The following MED27 variants were observed in gnomAD, a reference collection of about 807,000 sequenced individuals.
MED27 encodes the protein mediator of RNA polymerase II transcription subunit 27.
MED27 carries 30 observed loss-of-function variants against 38.2 expected under a neutral mutation model. That is an observed-to-expected ratio of 0.79 (90% CI 0.59 to 1.07). The LOEUF (loss-of-function observed/expected upper bound fraction) is 1.07, where lower values mean the gene tolerates loss of function less well. Ranked by LOEUF, MED27 falls within the 50% of genes least tolerant of loss-of-function variation. MED27 has a pLI of 0.00. For missense variants in MED27, 289 were observed against 397.5 expected, an observed-to-expected ratio of 0.73 and a Z score of 2.32; for synonymous variants, 122 against 153.5, an observed-to-expected ratio of 0.79 and a Z score of 1.52.
At chr9:131,878,164 C>T (rs1201573177) in intron 6 of MED27, among the ~76,000 whole-genome samples, 1 of 151,722 alleles carries the variant, frequency 6.6e-6, no homozygotes, top group Non-Finnish European at 1.5e-5. Flanking sequence ...ATCCCAACTA[C>T]TTAGGGGCTG....
chr9:132,068,456 T>C (rs1282518780), intron 2 of MED27, among the ~76,000 whole-genome samples: 3 of 151,326 alleles, frequency 2.0e-5, no homozygotes, highest in African/African-American at 4.9e-5. Flanking sequence ...GAGTGGAAAA[T>C]AGATTAGAAA....
intron 2 of MED27, among the ~76,000 whole-genome samples, chr9:132,058,762 A>T (rs1391489670): frequency 1.3e-5 from 2 of 152,256 alleles, no homozygotes; most frequent in African/African-American, 4.8e-5. Flanking sequence ...CTACAACTTC[A>T]GTGAAACTGT....
At position 131,912,875 on chromosome 9, in the gene MED27, G is replaced by A. The variant is rs567156994; in HGVS notation, c.574-18883C>T. 4.6e-5 allele frequency among the ~76,000 whole-genome samples: 7 copies of A among 152,196 alleles called. No individual in the cohort carries two copies. The Middle Eastern group carries it at 0.017, about 370-fold the overall frequency. On this transcript the variant is annotated intron_variant, in intron 4 of 7. Transcript: ENST00000292035. The stretch of plus-strand genomic sequence containing the variant: ...TGTCTAGCCCATTTGCAATTAATAC[G>A]ACCCACTTCCATACAATCAGACTAC...
At position 131,913,480 on chromosome 9, in the gene MED27, A is replaced by G. The variant is rs1830227635; in HGVS notation, c.574-19488T>C. On this transcript the variant is annotated intron_variant, in intron 4 of 7. Coordinates refer to ENST00000292035, the MANE Select transcript of MED27 (RefSeq NM_004269.4). This position sits in a 1 kb window ranked among gnomAD's most constrained non-coding sequence, Gnocchi z 4.5. Reference sequence around the variant, plus strand: ...TAGTAAGGGGTCAAATAGAGTCCTGAGCACACAGTAGGCATATTAAGTGGT... The same window carrying G: ...TAGTAAGGGGTCAAATAGAGTCCTGGGCACACAGTAGGCATATTAAGTGGT... Among the ~76,000 whole-genome samples, 1 of 152,244 alleles carries G rather than the reference A, an allele frequency of 6.6e-6. No individual in the cohort carries two copies. Among genetic ancestry groups the G allele is most frequent in the South Asian group, 2.1e-4 (1 of 4,836 alleles).
intron 2 of MED27, among the ~76,000 whole-genome samples, chr9:132,068,922 C>T (rs78391453): frequency 0.022 from 3,382 of 152,232 alleles, 124 homozygotes; most frequent in African/African-American, 0.071. Flanking sequence ...AATAACCCAG[C>T]GGCCTTCTCC....
intron 1 of MED27, among the ~76,000 whole-genome samples, chr9:132,078,663 G>A (rs918613840): frequency 6.6e-6 from 1 of 152,064 alleles, no homozygotes; most frequent in Non-Finnish European, 1.5e-5. Flanking sequence ...TGGTTACTAA[G>A]GAGACCAAGT....
chr9:132,071,923 C>A (rs554274751), intron 2 of MED27, among the ~76,000 whole-genome samples: 30 of 152,076 alleles, frequency 2.0e-4, no homozygotes, highest in African/African-American at 7.2e-4. Flanking sequence ...TAACACACAC[C>A]CCATAAATGA....
chr9:131,920,160 A>G (rs1347524484), intron 4 of MED27, among the ~76,000 whole-genome samples: 1 of 152,188 alleles, frequency 6.6e-6, no homozygotes, highest in Admixed American at 6.5e-5. Context: ...CGGTGTCTTA[A>G]GCAGAAAGTA....
intron 4 of MED27, among the ~76,000 whole-genome samples, chr9:131,935,181 CAAT>C (rs1830660983): frequency 6.6e-6 from 1 of 151,964 alleles, no homozygotes; most frequent in African/African-American, 2.4e-5. Context: ...TGACTACAAT[CAAT>C]AACAATTTAA....
In MED27 at chr9:132,020,297, C is replaced by A. The variant is rs1362037997; in HGVS notation, c.349-5830G>T. On this transcript the variant is annotated intron_variant, in intron 2 of 7. Coordinates refer to ENST00000292035, the MANE Select transcript of MED27 (RefSeq NM_004269.4). The stretch of plus-strand genomic sequence containing the variant: ...TTCCCCTGTAGATCACTGACCAAAA[C>A]AGCCAGAGGTGGCTGGCGTAAGTGC... 2.0e-5 allele frequency among the ~76,000 whole-genome samples: 3 copies of A among 152,164 alleles called. No homozygotes were observed. In the East Asian group the frequency reaches 5.8e-4, roughly 29 times the overall value.
intron 2 of MED27, chr9:132,073,572 T>C (rs1833986455): frequency 7.2e-7 from 1 of 1,384,342 alleles, no homozygotes; most frequent in Non-Finnish European, 9.3e-7. Flanking sequence ...GTTAGTTCCA[T>C]GATGCAAAAA....
rs1024670380 is a variant in MED27 at position 131,930,901 on chromosome 9, C to CT, written c.573+8479dup. 6.6e-5 allele frequency among the ~76,000 whole-genome samples: 10 copies of CT among 151,928 alleles called. 1 individual carries two copies. The highest frequency in any genetic ancestry group is 6.3e-4 in the South Asian group (3 of 4,798). On this transcript the variant is annotated intron_variant, in intron 4 of 7. Transcript: ENST00000292035. ...GAGTTATTATTAGTTGTCTTTTTGC[C>CT]TTTTTTTTGTTTGTTTGTTTATGCA...
At chr9:131,871,538 A>C (rs1838834154) in intron 6 of MED27, among the ~76,000 whole-genome samples, 1 of 152,180 alleles carries the variant, frequency 6.6e-6, no homozygotes, top group South Asian at 2.1e-4. Flanking sequence ...CAACGGCACC[A>C]TTCACAGCAA....
chr9:131,907,144 C>T (rs1020015699), intron 4 of MED27, among the ~76,000 whole-genome samples: 2 of 152,138 alleles, frequency 1.3e-5, no homozygotes, highest in Non-Finnish European at 2.9e-5. Flanking sequence ...TGTTTGTGAC[C>T]TGTACTTGTG....
intron 6 of MED27, among the ~76,000 whole-genome samples, chr9:131,873,190 G>A (rs1441673853): frequency 6.6e-6 from 1 of 152,216 alleles, no homozygotes; most frequent in Non-Finnish European, 1.5e-5. Context: ...TGTGGGTCCT[G>A]TGGGCAAAGA....
intron 2 of MED27, among the ~76,000 whole-genome samples, chr9:132,028,600 A>G (rs1375048092): frequency 1.3e-5 from 2 of 152,150 alleles, no homozygotes; most frequent in East Asian, 1.9e-4. Context: ...ACAAGTCCCA[A>G]TGCTCCCAAG....
At chr9:131,996,552 A>G (rs1832095167) in intron 3 of MED27, among the ~76,000 whole-genome samples, 4 of 152,218 alleles carry the variant, frequency 2.6e-5, no homozygotes. Context: ...GCAGCTCCTC[A>G]AATGTACGTA....
intron 5 of MED27, among the ~76,000 whole-genome samples, chr9:131,892,837 A>G (rs1242719417): frequency 6.6e-6 from 1 of 152,244 alleles, no homozygotes; most frequent in Admixed American, 6.5e-5. Context: ...GGTTTTTCCA[A>G]AAAGAAAAAG....
intron 4 of MED27, among the ~76,000 whole-genome samples, chr9:131,924,010 T>C (rs1445696037): frequency 1.3e-5 from 2 of 152,232 alleles, no homozygotes; most frequent in Non-Finnish European, 2.9e-5. Context: ...TATCATAATG[T>C]ATTCAATCAC....
Sources: gnomAD v4.1 joint callset for allele counts (sites outside exome capture counted in the v4.1 genomes callset) on GRCh38, gnomAD v4.1.1 for gene constraint, Gnocchi (gnomAD v3.1) non-coding constraint, MANE v1.5 for transcripts, NCBI Gene and HGNC (gene_info 2026-07-23, HGNC 2026-07-21) for gene names.